The following SSRP1 variants were observed in gnomAD, a reference collection of about 807,000 sequenced individuals.
The protein encoded by SSRP1 is FACT complex subunit SSRP1.
Under a neutral mutation model 84.4 loss-of-function variants are expected in SSRP1, and 21 were observed. The observed-to-expected ratio is 0.25, with a 90% CI of 0.18 to 0.36. The LOEUF is 0.36. Ranked by LOEUF, SSRP1 falls within the 10% of genes least tolerant of loss-of-function variation. The probability of loss-of-function intolerance (pLI) is 1.00; values close to 1 mark genes in which losing one functional copy is unlikely to be tolerated. For missense variants in SSRP1, 519 were observed against 900.8 expected, an observed-to-expected ratio of 0.58 and a Z score of 5.43; for synonymous variants, 319 against 318.3, an observed-to-expected ratio of 1.00 and a Z score of -0.02.
At chr11:57,334,017 G>A (rs1351959475) in intron 3 of SSRP1, among the ~76,000 whole-genome samples, 1 of 152,144 alleles carries the variant, frequency 6.6e-6, no homozygotes, top group East Asian at 1.9e-4. Flanking sequence ...GCTGGGCATG[G>A]TGGCATGTGC....
chr11:57,327,250 G>A, intron 15 of SSRP1, 176 bp downstream of exon 15: 1 of 725,252 alleles, frequency 1.4e-6, no homozygotes, highest in Non-Finnish European at 2.3e-6. Flanking sequence ...TGACTTGAAT[G>A]CCCTATTGTG....
At position 57,327,458 on chromosome 11, in the gene SSRP1, T is replaced by C; in HGVS notation, c.1839A>G (p.Glu613=). The part of the protein sequence containing the change: ...ARRDYEKAMK[E]YEGGRGESSK... ...AAGACTCGCCTCGGCCCCCTTCATA[T>C]TCTTTCATGGCTTTTTCATAGTCCC... is the stretch of plus-strand genomic sequence containing the variant. The change falls in exon 15 of 17, where the codon GAA becomes GAG. Residue 613 remains glutamate, a synonymous_variant. Transcript: ENST00000278412. The C allele has an allele frequency of 6.2e-7, 1 of 1,614,188 alleles. No individual in the cohort carries two copies. The highest frequency in any genetic ancestry group is 8.5e-7 in the Non-Finnish European group (1 of 1,180,030).
At position 57,328,354 on chromosome 11, in the gene SSRP1, T is replaced by A; in HGVS notation, c.1554A>T (p.Lys518Asn). ...TGGCCATCTTGGCCTTTTTGAGCTG[T>A]TTCCGCTTCTTCTCATCCCGGTCAC... ...GDSDRDEKKRKQLKKAKMAKD... is the reference protein window; with the variant it reads ...GDSDRDEKKRNQLKKAKMAKD... Residue 518 changes from lysine (K) to asparagine (N), a missense_variant, in exon 13 of 17, where the codon AAA becomes AAT. By Grantham distance (94) the Lys-to-Asn change is moderately conservative (BLOSUM62 0). Around this residue, in one of 7 missense-constraint regions of SSRP1, gnomAD observed 197 missense variants for 265.0 expected, o/e 0.74. Coordinates refer to ENST00000278412, the MANE Select transcript of SSRP1 (RefSeq NM_003146.3). 6.2e-7 allele frequency: 1 copy of A among 1,614,192 alleles called. No homozygotes were observed. The highest frequency in any genetic ancestry group is 8.5e-7 in the Non-Finnish European group (1 of 1,180,024).
In SSRP1 at chr11:57,327,534, A is replaced by ATTTT. The variant is rs1387093912; in HGVS notation, c.1783-21_1783-20insAAAA. The ATTTT allele has an allele frequency of 6.2e-7, 1 of 1,613,760 alleles. No individual in the cohort carries two copies. Among genetic ancestry groups the ATTTT allele is most frequent in the Admixed American group, 1.7e-5 (1 of 59,976 alleles). ...CCACTCCTGTCTCACACACAGAAAA[A>ATTTT]AACAGTTAAGAATAAGACCTCTCCC... is the stretch of plus-strand genomic sequence containing the variant. On this transcript the variant is annotated intron_variant, in intron 14 of 16. Coordinates refer to ENST00000278412, the MANE Select transcript of SSRP1 (RefSeq NM_003146.3).
Position 57,330,349 on chromosome 11 carries a change from T to C in SSRP1, c.1377A>G (p.Glu459=). 3 of 1,614,192 alleles carry C rather than the reference T, an allele frequency of 1.9e-6. No homozygotes were observed. The highest frequency in any genetic ancestry group is 2.5e-6 in the Non-Finnish European group (3 of 1,180,044). Residue 459 remains glutamate, a synonymous_variant, in exon 11 of 17, where the codon GAA becomes GAG. Coordinates refer to ENST00000278412, the MANE Select transcript of SSRP1 (RefSeq NM_003146.3). This position sits in a 1 kb window ranked among gnomAD's most constrained non-coding sequence, Gnocchi z 4.0. ...HDAYLERMKE[E]GKIREENAND... Reference sequence around the variant, plus strand: ...TGGCATTCTCCTCCCGGATCTTGCCTTCCTCCTTCATCCTCTCCAAGTAGG... The same window carrying C: ...TGGCATTCTCCTCCCGGATCTTGCCCTCCTCCTTCATCCTCTCCAAGTAGG...
In SSRP1 at chr11:57,328,290, T is replaced by G; in HGVS notation, c.1611+7A>C. 2 of 1,613,910 alleles carry G rather than the reference T, an allele frequency of 1.2e-6. No individual in the cohort carries two copies. The highest frequency in any genetic ancestry group is 3.3e-5 in the Admixed American group (2 of 60,006). ...CACACACAGGCCCTCCCATCTACAG[T>G]CTGCACCTCCACAGGCTTCTTGCGG... is the stretch of plus-strand genomic sequence containing the variant. On this transcript the variant is annotated splice_region_variant and intron_variant, in intron 13 of 16. Transcript: ENST00000278412.
chr11:57,326,272 C>T lies in SSRP1; in HGVS notation c.*135G>A. The T allele has an allele frequency of 2.4e-6, 2 of 823,588 alleles. No individual in the cohort carries two copies. 51.0% of individuals were successfully genotyped at this position (823,588 alleles called of 1,614,324 possible). ...GTCTCCCCACTGCCCTAGTGACATA[C>T]ACACCAACAGGAGAGCATGTTCAGA... On this transcript the variant is annotated 3_prime_UTR_variant, in exon 17 of 17. Coordinates refer to ENST00000278412, the MANE Select transcript of SSRP1 (RefSeq NM_003146.3).
rs1469292705 is a variant in SSRP1, at chr11:57,335,546, A to G, written c.-120+184T>C. 1 of 269,166 alleles carries G rather than the reference A, an allele frequency of 3.7e-6. No homozygotes were observed. The highest frequency in any genetic ancestry group is 7.5e-6 in the Non-Finnish European group (1 of 133,712). The allele number at this position is 269,166 out of a possible 1,614,324, so 16.7% of individuals were successfully genotyped here. On this transcript the variant is annotated intron_variant, in intron 1 of 16. Coordinates refer to ENST00000278412, the MANE Select transcript of SSRP1 (RefSeq NM_003146.3). This position sits in a 1 kb window ranked among gnomAD's most constrained non-coding sequence, Gnocchi z 4.6. ...CATCGCACGCGACCCAATCCAGCTCAGAGTGCAGGGTTTCCCTCGCACCGC... is the reference window on the plus strand; with the variant it reads ...CATCGCACGCGACCCAATCCAGCTCGGAGTGCAGGGTTTCCCTCGCACCGC...
In SSRP1 at chr11:57,330,437, G is replaced by T. The variant is rs747757851; in HGVS notation, c.1297-8C>A. On this transcript the variant is annotated splice_region_variant and splice_polypyrimidine_tract_variant and intron_variant, in intron 10 of 16. Transcript: ENST00000278412. This position sits in a 1 kb window ranked among gnomAD's most constrained non-coding sequence, Gnocchi z 4.0. ...GTAGCTTGGGTTCATGCCCTAGCCAGGGAAGAGTTCACGGTGGGGCCAACT... is the reference window on the plus strand; with the variant it reads ...GTAGCTTGGGTTCATGCCCTAGCCATGGAAGAGTTCACGGTGGGGCCAACT... 6 of 1,613,602 alleles carry T rather than the reference G, an allele frequency of 3.7e-6. No individual in the cohort carries two copies. The South Asian group carries it at 4.4e-5, about 12-fold the overall frequency.
chr11:57,334,106 T>C (rs1009211352), intron 3 of SSRP1, among the ~76,000 whole-genome samples: 6 of 152,196 alleles, frequency 3.9e-5, no homozygotes, highest in African/African-American at 1.4e-4. Context: ...TAATCCGAGA[T>C]TGCGCCACTG....
At position 57,332,134 on chromosome 11, in the gene SSRP1, C is replaced by G; in HGVS notation, c.1001+18G>C. The G allele has an allele frequency of 2.5e-6, 4 of 1,613,086 alleles. No homozygotes were observed. The highest frequency in any genetic ancestry group is 3.4e-6 in the Non-Finnish European group (4 of 1,179,892). On this transcript the variant is annotated intron_variant, in intron 8 of 16. Coordinates refer to ENST00000278412, the MANE Select transcript of SSRP1 (RefSeq NM_003146.3). The surrounding 1 kb of genome is among the most constrained non-coding windows in gnomAD (Gnocchi z 5.5). The stretch of plus-strand genomic sequence containing the variant: ...TCCCATACCCAGGCAGGGCAGGATC[C>G]CAGGCCCACACTCTCACCCTTGGAA...
At chr11:57,331,970 C>T (rs1438869262) in intron 8 of SSRP1, 81 bp from the exon 9 acceptor site, 5 of 1,497,472 alleles carry the variant, frequency 3.3e-6, no homozygotes, top group Non-Finnish European at 4.6e-6. Context: ...GACACGAGTG[C>T]TCATGTCCTC....
chr11:57,327,663 C>T (rs1252749757), intron 14 of SSRP1, 49 bp downstream of exon 14: 1 of 1,608,770 alleles, frequency 6.2e-7, no homozygotes, highest in Admixed American at 1.7e-5. Flanking sequence ...CAAGACAGCA[C>T]CTCTCGCCAG....
chr11:57,328,535 A>T, intron 12 of SSRP1, 109 bp from the exon 13 acceptor site: 1 of 1,464,606 alleles, frequency 6.8e-7, no homozygotes. Flanking sequence ...GGGGCAAGGG[A>T]GGAAGACCAG....
In SSRP1 at chr11:57,330,344, T is replaced by C; in HGVS notation, c.1382A>G (p.Lys461Arg). The C allele has an allele frequency of 6.2e-7, 1 of 1,614,210 alleles. No individual in the cohort carries two copies. The highest frequency in any genetic ancestry group is 8.5e-7 in the Non-Finnish European group (1 of 1,180,050). ...AYLERMKEEGKIREENANDSS... is the reference protein window; with the variant it reads ...AYLERMKEEGRIREENANDSS... ...GTCATTGGCATTCTCCTCCCGGATC[T>C]TGCCTTCCTCCTTCATCCTCTCCAA... The change falls in exon 11 of 17, where the codon AAG (lysine) becomes AGG (arginine). Residue 461 changes from lysine to arginine, a missense_variant. By Grantham distance (26) the Lys-to-Arg change is conservative. Coordinates refer to ENST00000278412, the MANE Select transcript of SSRP1 (RefSeq NM_003146.3). This position sits in a 1 kb window ranked among gnomAD's most constrained non-coding sequence, Gnocchi z 4.0.
chr11:57,330,752 AAGAAG>A lies in SSRP1; in HGVS notation c.1296+98_1296+102del. 6.3e-7 allele frequency: 1 copy of A among 1,585,694 alleles called. No individual in the cohort carries two copies. Among genetic ancestry groups the A allele is most frequent in the East Asian group, 2.3e-5 (1 of 44,352 alleles). ...ACGCACCTCTTTTTTCTATAAGGGT[AAGAAG>A]AGAAGAAAGAGTGAAAAAGAAGCCG... is the stretch of plus-strand genomic sequence containing the variant. On this transcript the variant is annotated intron_variant, in intron 10 of 16. Coordinates refer to ENST00000278412, the MANE Select transcript of SSRP1 (RefSeq NM_003146.3). This position sits in a 1 kb window ranked among gnomAD's most constrained non-coding sequence, Gnocchi z 4.0.
chr11:57,327,969 G>GA, intron 13 of SSRP1, 87 bp from the exon 14 acceptor site: 2 of 1,497,326 alleles, frequency 1.3e-6, no homozygotes, highest in Non-Finnish European at 1.8e-6. Flanking sequence ...TTAACTTGGA[G>GA]AAAAAGTGGA....
At chr11:57,331,587 T>G in intron 9 of SSRP1, 81 bp downstream of exon 9, 1 of 1,133,740 alleles carries the variant, frequency 8.8e-7, no homozygotes, top group Non-Finnish European at 1.3e-6. Context: ...GGTTGGAGAG[T>G]GCCCCAGGCC....
Position 57,328,767 on chromosome 11 carries a change from C to T in SSRP1, c.1482-341G>A, listed in dbSNP as rs151050735. On this transcript the variant is annotated intron_variant, in intron 12 of 16. Coordinates refer to ENST00000278412, the MANE Select transcript of SSRP1 (RefSeq NM_003146.3). The stretch of plus-strand genomic sequence containing the variant: ...TGGCAGAAACACTGCCTCATTCATG[C>T]CTGGAACATGGCCCAAATCCACTTC... 5.6e-3 allele frequency: 1,213 copies of T among 217,656 alleles called. 4 individuals carry two copies. The highest frequency in any genetic ancestry group is 8.6e-3 in the Non-Finnish European group (953 of 110,754). 13.5% of individuals were successfully genotyped at this position (217,656 alleles called of 1,614,324 possible).
Sources: gnomAD v4.1 joint callset for allele counts (sites outside exome capture counted in the v4.1 genomes callset) on GRCh38, gnomAD v4.1.1 for gene constraint, gnomAD v4.1.1 regional missense constraint, Gnocchi (gnomAD v3.1) non-coding constraint, MANE v1.5 for transcripts, NCBI Gene and HGNC (gene_info 2026-07-23, HGNC 2026-07-21) for gene names.